Variants in FUZ observed in about 807,000 individuals in gnomAD.
FUZ encodes fuzzy planar cell polarity protein.
FUZ carries 31 observed loss-of-function variants against 43.1 expected under a neutral mutation model. That is an observed-to-expected ratio of 0.72 (90% confidence interval 0.54 to 0.97). The LOEUF (loss-of-function observed/expected upper bound fraction) is 0.97, where lower values mean the gene tolerates loss of function less well. FUZ is among the 50% of genes least tolerant of loss of function. The pLI is 0.00. For missense variants in FUZ, 539 were observed against 543.8 expected (o/e 0.99, Z 0.09); for synonymous variants, 274 against 250.0 (o/e 1.10, Z -0.91).
Position 49,809,207 on chromosome 19 carries a change from GAC to G in FUZ, c.740_741del (p.Cys247SerfsTer72), listed in dbSNP as rs746970537. On this transcript the variant is annotated frameshift_variant, in exon 7 of 11. Transcript: ENST00000313777. LOFTEE classifies it high-confidence loss of function. The surrounding 1 kb of genome is among the most constrained non-coding windows in gnomAD (Gnocchi z 5.1). Reference sequence around the variant, plus strand: ...AGGGGTGGGCTCGGCCCGCAGAGTAGACACAGCTCCAGGCTCGGCAGCAGAGT... The same window carrying G: ...AGGGGTGGGCTCGGCCCGCAGAGTAGACAGCTCCAGGCTCGGCAGCAGAGT... ...TLTLLPSLEL[C>X]LLCGPSPPLS... 2.6e-6 allele frequency: 4 copies of G among 1,551,544 alleles called. No homozygotes were observed. Among genetic ancestry groups the G allele is most frequent in the Non-Finnish European group, 3.5e-6 (4 of 1,147,132 alleles).
Position 49,812,637 on chromosome 19 carries a change from C to G in FUZ, c.211G>C (p.Val71Leu). The change falls in exon 2 of 11, where the codon GTG becomes CTG. Residue 71 changes from valine (V) to leucine (L), a missense_variant. Transcript: ENST00000313777. ...SSARTENTTVVWKSFHDSITL... is the reference protein window; with the variant it reads ...SSARTENTTVLWKSFHDSITL... The stretch of plus-strand genomic sequence containing the variant: ...GACCTGTCATGGAAGCTTTTCCACA[C>G]CACAGTCGTGTTCTCGGTCCTCGCA... 1.2e-6 allele frequency: 2 copies of G among 1,614,176 alleles called. No homozygotes were observed. The highest frequency in any genetic ancestry group is 1.3e-5 in the African/African-American group (1 of 75,052).
At chr19:49,811,026 C>T in intron 5 of FUZ, 1 of 387,978 alleles carries the variant, frequency 2.6e-6, no homozygotes, top group Non-Finnish European at 4.9e-6. Flanking sequence ...TGGTGGGCGC[C>T]TGTAATCCCA....
Position 49,812,459 on chromosome 19 carries a change from T to C in FUZ, c.234-124A>G, listed in dbSNP as rs1369268544. 9 of 1,326,292 alleles carry C rather than the reference T, an allele frequency of 6.8e-6. No individual in the cohort carries two copies. In the South Asian group the frequency reaches 7.2e-5, roughly 11 times the overall value. The allele number at this position is 1,326,292 out of a possible 1,614,324, so 82.2% of individuals were successfully genotyped here. On this transcript the variant is annotated intron_variant, in intron 2 of 10. Coordinates refer to ENST00000313777, the MANE Select transcript of FUZ (RefSeq NM_025129.5). ...CTCTCAGACCAACCTGCCTTTCTTA[T>C]AGAGAACATCAGGGATCAAAGAGGG...
chr19:49,811,895 G>A (rs2073812891), intron 3 of FUZ, among the ~76,000 whole-genome samples, 196 bp from the exon 4 acceptor site: 1 of 152,126 alleles, frequency 6.6e-6, no homozygotes, highest in Non-Finnish European at 1.5e-5. Flanking sequence ...ATCACTTGAG[G>A]TCAGGAGTTT....
At chr19:49,811,994 G>T (rs1222763982) in intron 3 of FUZ, among the ~76,000 whole-genome samples, 1 of 152,224 alleles carries the variant, frequency 6.6e-6, no homozygotes, top group Non-Finnish European at 1.5e-5. Flanking sequence ...TGTAATCCCA[G>T]CTACTTGGGA....
intron 1 of FUZ, 41 bp downstream of exon 1, chr19:49,812,955 C>G: frequency 1.3e-6 from 2 of 1,515,362 alleles, no homozygotes; most frequent in African/African-American, 1.4e-5. Flanking sequence ...GTCAAAACAC[C>G]GAACCCCCTT....
chr19:49,812,831 CAT>C (rs1158411669), intron 1 of FUZ, 95 bp from the exon 2 acceptor site: 5 of 1,523,930 alleles, frequency 3.3e-6, no homozygotes, highest in Non-Finnish European at 4.5e-6. Context: ...ATCCTCTTTC[CAT>C]ATGACCTGGC....
intron 5 of FUZ, among the ~76,000 whole-genome samples, chr19:49,810,672 C>CT (rs1393465290): frequency 8.5e-6 from 1 of 118,072 alleles, no homozygotes; most frequent in African/African-American, 3.4e-5. Context: ...GTGTAAGACT[C>CT]TGTCTCAAAA....
chr19:49,812,043 G>A (rs188298502), intron 3 of FUZ, among the ~76,000 whole-genome samples: 90 of 152,344 alleles, frequency 5.9e-4, no homozygotes, highest in African/African-American at 2.1e-3. Context: ...GGGAGGCAGA[G>A]GTTGCAGTGA....
At chr19:49,808,534 C>T in intron 9 of FUZ, 40 bp downstream of exon 9, 1 of 1,582,744 alleles carries the variant, frequency 6.3e-7, no homozygotes, top group Non-Finnish European at 8.6e-7. Context: ...CCCCGGCCCA[C>T]GCCCCTCCTA....
At chr19:49,808,916 C>G (rs1046996535) in intron 7 of FUZ, 93 bp from the exon 8 acceptor site, 2 of 890,366 alleles carry the variant, frequency 2.2e-6, no homozygotes, top group Admixed American at 2.2e-5. Flanking sequence ...CGTGGTCAAT[C>G]GGGAGGGGCG....
rs919628292 is a variant in FUZ, at chr19:49,808,727, CTG to C, written c.881_882del (p.Thr294ArgfsTer25). On this transcript the variant is annotated frameshift_variant, in exon 8 of 11. Coordinates refer to ENST00000313777, the MANE Select transcript of FUZ (RefSeq NM_025129.5). LOFTEE classifies it high-confidence loss of function. ...RALPSGFPLH[T>X]DILGLLLLHL... ...CCATCCGAGCCCTACCCGAGGATGTCTGTGTGAAGGGGGAAGCCACTGGGCAG... is the reference window on the plus strand; with the variant it reads ...CCATCCGAGCCCTACCCGAGGATGTCTGTGAAGGGGGAAGCCACTGGGCAG... The C allele has an allele frequency of 1.6e-5, 26 of 1,590,776 alleles. No homozygotes were observed. Among genetic ancestry groups the C allele is most frequent in the Non-Finnish European group, 2.1e-5 (24 of 1,168,742 alleles).
chr19:49,809,872 C>A lies in FUZ; in HGVS notation c.493-297G>T. On this transcript the variant is annotated intron_variant, in intron 5 of 10. Coordinates refer to ENST00000313777, the MANE Select transcript of FUZ (RefSeq NM_025129.5). This position sits in a 1 kb window ranked among gnomAD's most constrained non-coding sequence, Gnocchi z 5.1. The stretch of plus-strand genomic sequence containing the variant: ...CCGTTCATCCAGGCCTGTTACATGC[C>A]GAGTAGGCACCATTAGCAACGTAGA... 6.0e-6 allele frequency: 3 copies of A among 502,900 alleles called. No homozygotes were observed. The East Asian group carries it at 1.1e-4, about 18-fold the overall frequency. The allele number at this position is 502,900 out of a possible 1,614,324, so 31.2% of individuals were successfully genotyped here.
In FUZ at chr19:49,811,440, G is replaced by A. The variant is rs753405783; in HGVS notation, c.415C>T (p.Leu139=). ...RASYCLIDSF[L]GDSELIGDLT... ...TCCCCGATGAGCTCCGAGTCCCCCA[G>A]GAAGCTGTCGATGAGGCAATAACTG... Residue 139 remains leucine (L), a synonymous_variant, in exon 5 of 11, where the codon CTG becomes TTG. Transcript: ENST00000313777. 2 of 1,614,050 alleles carry A rather than the reference G, an allele frequency of 1.2e-6. No homozygotes were observed. Among genetic ancestry groups the A allele is most frequent in the Non-Finnish European group, 1.7e-6 (2 of 1,179,956 alleles).
In FUZ at chr19:49,808,766, C is replaced by T; in HGVS notation, c.844G>A (p.Gly282Arg). Reference sequence around the variant, plus strand: ...AAGCCACTGGGCAGCGCCCGGGGTCCCAACGGCAGACAGGCCCGCAACGGG... The same window carrying T: ...AAGCCACTGGGCAGCGCCCGGGGTCTCAACGGCAGACAGGCCCGCAACGGG... ...LDPLRACLPL[G>R]PRALPSGFPL... is the part of the protein sequence containing the mutation. Residue 282 changes from glycine to arginine, a missense_variant, in exon 8 of 11, where the codon GGA becomes AGA. Transcript: ENST00000313777. 6.4e-7 allele frequency: 1 copy of T among 1,572,938 alleles called. No homozygotes were observed. Among genetic ancestry groups the T allele is most frequent in the Non-Finnish European group, 8.6e-7 (1 of 1,158,996 alleles).
Position 49,809,675 on chromosome 19 carries a change from G to T in FUZ, c.493-100C>A. 6 of 1,273,896 alleles carry T rather than the reference G, an allele frequency of 4.7e-6. No individual in the cohort carries two copies. The highest frequency in any genetic ancestry group is 1.3e-5 in the South Asian group (1 of 77,882). The allele number at this position is 1,273,896 out of a possible 1,614,324, so 78.9% of individuals were successfully genotyped here. On this transcript the variant is annotated intron_variant, in intron 5 of 10. Transcript: ENST00000313777. This position sits in a 1 kb window ranked among gnomAD's most constrained non-coding sequence, Gnocchi z 5.1. ...GGGAATGGGGAGAAACCCACAGCCA[G>T]CCCCGAGCTCGCGCAGTGGCCATGC...
At chr19:49,810,867 G>A (rs1053448789) in intron 5 of FUZ, among the ~76,000 whole-genome samples, 2 of 150,882 alleles carry the variant, frequency 1.3e-5, no homozygotes, top group East Asian at 4.0e-4. Flanking sequence ...AAAGAAAGAT[G>A]GCCCAGGCGC....
At position 49,807,286 on chromosome 19, in the gene FUZ, TG is replaced by T; in HGVS notation, c.1121del (p.Pro374GlnfsTer69). 1 of 1,613,494 alleles carries T rather than the reference TG, an allele frequency of 6.2e-7. No homozygotes were observed. The highest frequency in any genetic ancestry group is 8.5e-7 in the Non-Finnish European group (1 of 1,179,964). On this transcript the variant is annotated frameshift_variant, in exon 11 of 11. Transcript: ENST00000313777. LOFTEE classifies it high-confidence loss of function. ...AGGCCACCAGACGCACTCCTGTGCC[TG>T]GTTCCTCAGTCCCCAACACCAGGTA... The part of the protein sequence containing the change: ...ACYLVLGTEE[P>X]GTGVRLVALQ...
intron 1 of FUZ, 90 bp from the exon 2 acceptor site, chr19:49,812,826 C>T (rs35816883): frequency 0.3 from 462,713 of 1,538,684 alleles, 73,710 homozygotes; most frequent in Middle Eastern, 0.45. Context: ...GCCCCATCCT[C>T]TTTCCATATG....
Sources: allele counts gnomAD v4.1 joint callset (sites outside exome capture counted in the v4.1 genomes callset), GRCh38; gene constraint gnomAD v4.1.1; non-coding constraint Gnocchi (gnomAD v3.1); transcripts MANE v1.5; gene names NCBI Gene and HGNC (gene_info 2026-07-23, HGNC 2026-07-21).